Variants in CSMD1 observed in about 807,000 individuals in gnomAD.
CSMD1 encodes the protein CUB and sushi domain-containing protein 1.
Under a neutral mutation model 417.5 loss-of-function variants are expected in CSMD1, and 213 were observed. That is an observed-to-expected ratio of 0.51 (90% CI 0.46 to 0.57). The LOEUF is 0.57. Ranked by LOEUF, CSMD1 falls within the 20% of genes least tolerant of loss-of-function variation. The pLI is 0.00. For missense variants in CSMD1, 6,923 were observed against 4,529.7 expected (o/e 1.53, Z -15.17); for synonymous variants, 2,862 against 1,736.8 (o/e 1.65, Z -16.11).
chr8:4,236,333 G>A (rs1312532279), intron 3 of CSMD1, among the ~76,000 whole-genome samples: 1 of 152,088 alleles, frequency 6.6e-6, no homozygotes, highest in Non-Finnish European at 1.5e-5. Context: ...GTAGTTTAGT[G>A]CATGAGTCAC....
chr8:4,751,165 A>G (rs1353389723), intron 1 of CSMD1, among the ~76,000 whole-genome samples: 1 of 152,216 alleles, frequency 6.6e-6, no homozygotes, highest in Admixed American at 6.5e-5. Flanking sequence ...TGGGTGGATC[A>G]CCTGAGGTAA....
intron 1 of CSMD1, among the ~76,000 whole-genome samples, chr8:4,794,475 C>A (rs1026275705): frequency 6.6e-6 from 1 of 152,090 alleles, no homozygotes; most frequent in Non-Finnish European, 1.5e-5. Context: ...AAATCCAGTA[C>A]AAAATGGGCA....
At chr8:3,200,384 G>A (rs929479405) in intron 32 of CSMD1, among the ~76,000 whole-genome samples, 19 of 151,606 alleles carry the variant, frequency 1.3e-4, no homozygotes, top group Admixed American at 4.6e-4. Flanking sequence ...GGGAAACCAC[G>A]TCTCTACTAA....
At chr8:4,139,447 C>A (rs560877477) in intron 3 of CSMD1, among the ~76,000 whole-genome samples, 1 of 144,426 alleles carries the variant, frequency 6.9e-6, no homozygotes, top group Admixed American at 6.7e-5. Flanking sequence ...AGACTCTATG[C>A]CTGCCCTGGA....
chr8:4,415,167 T>G (rs1217529), intron 3 of CSMD1, among the ~76,000 whole-genome samples: 13,668 of 152,050 alleles, frequency 0.09, 667 homozygotes, highest in South Asian at 0.18. Context: ...AAGGCTCAGC[T>G]CCAGGCTCTC....
At chr8:3,839,383 A>C (rs1361186137) in intron 5 of CSMD1, among the ~76,000 whole-genome samples, 2 of 117,870 alleles carry the variant, frequency 1.7e-5, no homozygotes, top group Non-Finnish European at 3.2e-5. Context: ...CTAGATATAC[A>C]GTCTCCATAT....
At chr8:3,275,066 CCT>C in intron 26 of CSMD1, among the ~76,000 whole-genome samples, 1 of 152,208 alleles carries the variant, frequency 6.6e-6, no homozygotes, top group South Asian at 2.1e-4. Context: ...GTGCCTGGTA[CCT>C]TTTGTTCCTT....
intron 50 of CSMD1, among the ~76,000 whole-genome samples, chr8:3,042,053 C>A (rs1383597118): frequency 6.6e-6 from 1 of 152,166 alleles, no homozygotes; most frequent in Non-Finnish European, 1.5e-5. Context: ...GGAACCCAAG[C>A]CTCCCTCATC....
chr8:4,020,656 T>C (rs916234394), intron 4 of CSMD1, among the ~76,000 whole-genome samples: 2 of 152,200 alleles, frequency 1.3e-5, no homozygotes, highest in Non-Finnish European at 2.9e-5. Flanking sequence ...TTCTTACTTA[T>C]TCCAGGACAG....
chr8:4,768,643 C>T (rs879709263), intron 1 of CSMD1, among the ~76,000 whole-genome samples: 11 of 152,078 alleles, frequency 7.2e-5, no homozygotes, highest in Admixed American at 7.2e-4. Context: ...GTGATACCCG[C>T]AAAGTACAGT....
intron 3 of CSMD1, among the ~76,000 whole-genome samples, chr8:4,247,650 A>G (rs886687463): frequency 6.6e-6 from 1 of 152,182 alleles, no homozygotes; most frequent in South Asian, 2.1e-4. Context: ...AGTTATCACC[A>G]TTCAACATGT....
intron 3 of CSMD1, among the ~76,000 whole-genome samples, chr8:4,293,526 A>T (rs1321137607): frequency 6.6e-6 from 1 of 152,192 alleles, no homozygotes; most frequent in Admixed American, 6.5e-5. Flanking sequence ...AAGAACACTA[A>T]CCATGAAATA....
chr8:4,702,268 A>C (rs1431096071), intron 1 of CSMD1, among the ~76,000 whole-genome samples: 2 of 152,170 alleles, frequency 1.3e-5, no homozygotes, highest in African/African-American at 4.8e-5. Flanking sequence ...TAAAAATAAA[A>C]ATAAAAAATC....
rs565574865 is a variant in CSMD1, at chr8:4,524,564, T to G, written c.303-104499A>C. Among the ~76,000 whole-genome samples, 53 of 131,908 alleles carry G rather than the reference T, an allele frequency of 4.0e-4. No homozygotes were observed. In the South Asian group the frequency reaches 4.1e-3, roughly 10 times the overall value. The allele number at this position is 131,908 out of a possible 152,430, so 86.5% of individuals were successfully genotyped here. ...TTTTCATGACCATTTTTCATCACAC[T>G]TGGTCTTTTTTTTTTTTTTTTTTGG... On this transcript the variant is annotated intron_variant, in intron 2 of 69. Coordinates refer to ENST00000635120, the MANE Select transcript of CSMD1 (RefSeq NM_033225.6).
At chr8:4,193,616 C>G (rs1284851258) in intron 3 of CSMD1, among the ~76,000 whole-genome samples, 1 of 152,038 alleles carries the variant, frequency 6.6e-6, no homozygotes, top group Non-Finnish European at 1.5e-5. Flanking sequence ...TCTGAGGAGC[C>G]AATGAGTGTG....
intron 3 of CSMD1, among the ~76,000 whole-genome samples, chr8:4,216,872 C>T (rs372843086): frequency 6.6e-5 from 10 of 152,186 alleles, no homozygotes; most frequent in African/African-American, 2.4e-4. Context: ...TGACAGTCTC[C>T]CTTTTTTCCT....
Position 4,819,558 on chromosome 8 carries a change from T to C in CSMD1, c.85+174774A>G, listed in dbSNP as rs370101938. 1.1e-4 allele frequency among the ~76,000 whole-genome samples: 16 copies of C among 152,350 alleles called. No individual in the cohort carries two copies. In the South Asian group the frequency reaches 3.3e-3, roughly 32 times the overall value. ...TGTTAGAATCTCAAATTTTGATGAC[T>C]GTCTCATAAGTAAAATGTGTGTATC... is the stretch of plus-strand genomic sequence containing the variant. On this transcript the variant is annotated intron_variant, in intron 1 of 69. Transcript: ENST00000635120.
At chr8:4,771,278 C>T (rs1418716380) in intron 1 of CSMD1, among the ~76,000 whole-genome samples, 1 of 152,144 alleles carries the variant, frequency 6.6e-6, no homozygotes, top group African/African-American at 2.4e-5. Flanking sequence ...GTTTCTAATA[C>T]CAATGTTCTC....
At chr8:4,889,611 T>A (rs998463751) in intron 1 of CSMD1, among the ~76,000 whole-genome samples, 6 of 152,084 alleles carry the variant, frequency 3.9e-5, no homozygotes, top group African/African-American at 1.5e-4. Flanking sequence ...AAAACCATAA[T>A]GACTGGCTTA....
Sources: gnomAD v4.1 joint callset for allele counts (sites outside exome capture counted in the v4.1 genomes callset) on GRCh38, gnomAD v4.1.1 for gene constraint, MANE v1.5 for transcripts, NCBI Gene and HGNC (gene_info 2026-07-23, HGNC 2026-07-21) for gene names.